The following DNAH7 variants were observed in gnomAD, a reference collection of about 807,000 sequenced individuals.
The protein encoded by DNAH7 is dynein axonemal heavy chain 7.
In DNAH7, 397 loss-of-function variants were observed where a neutral mutation model predicts 444.6. The ratio of observed to expected loss-of-function variants is 0.89; its 90% confidence interval spans 0.82 to 0.97. DNAH7 has a LOEUF of 0.97. Ranked by LOEUF, DNAH7 falls within the 50% of genes least tolerant of loss-of-function variation. DNAH7 has a pLI of 0.00. For missense variants in DNAH7, 4,902 were observed against 4,800.8 expected (o/e 1.02, Z -0.62); for synonymous variants, 1,636 against 1,624.4 (o/e 1.01, Z -0.17).
intron 5 of DNAH7, among the ~76,000 whole-genome samples, chr2:196,041,251 TAAC>T (rs749235955): frequency 5.1e-4 from 78 of 151,566 alleles, no homozygotes; most frequent in Middle Eastern, 6.8e-3. Context: ...CCCTAATCCT[TAAC>T]AACAACAACA....
chr2:195,815,574 A>C (rs925966567), intron 51 of DNAH7, among the ~76,000 whole-genome samples: 3 of 152,218 alleles, frequency 2.0e-5, no homozygotes, highest in African/African-American at 7.2e-5. Context: ...AATTAAATTG[A>C]GTTTCCCTTG....
intron 47 of DNAH7, among the ~76,000 whole-genome samples, chr2:195,841,216 CTCTCTT>C (rs1028905546): frequency 9.9e-5 from 15 of 151,406 alleles, no homozygotes; most frequent in South Asian, 2.1e-4. Flanking sequence ...TATATTTTCT[CTCTCTT>C]TCTCTTTCTC....
chr2:195,831,001 T>C (rs1425491789), intron 48 of DNAH7, among the ~76,000 whole-genome samples: 1 of 152,162 alleles, frequency 6.6e-6, no homozygotes, highest in Non-Finnish European at 1.5e-5. Flanking sequence ...GAAGTAGTTT[T>C]GTATCCCTGG....
chr2:195,737,729 T>TTTAG lies in DNAH7; in HGVS notation c.*191_*192insCTAA. 1 of 557,108 alleles carries TTTAG rather than the reference T, an allele frequency of 1.8e-6. No homozygotes were observed. 34.5% of individuals were successfully genotyped at this position (557,108 alleles called of 1,614,324 possible). A position where few individuals can be genotyped will look rare whatever the true frequency, so the allele number is the denominator to read the frequency against. On this transcript the variant is annotated 3_prime_UTR_variant, in exon 65 of 65. Coordinates refer to ENST00000312428, the MANE Select transcript of DNAH7 (RefSeq NM_018897.3). ...GCCAGTGTGTTTTCTTTAGTCTTTA[T>TTTAG]TTCAGAACATTTCCTTACATTTAAG...
At chr2:196,068,474 G>C (rs1450132926) in intron 1 of DNAH7, 7 of 605,312 alleles carry the variant, frequency 1.2e-5, no homozygotes, top group Middle Eastern at 3.6e-4. Flanking sequence ...TAGGCGGCTA[G>C]GTTTGGTTGT....
intron 24 of DNAH7, among the ~76,000 whole-genome samples, chr2:195,915,169 T>C (rs1042099722): frequency 6.6e-6 from 1 of 152,156 alleles, no homozygotes; most frequent in Admixed American, 6.5e-5. Flanking sequence ...ATATTTTCAA[T>C]CCATTATGAT....
At chr2:195,815,974 A>G (rs1697198510) in intron 51 of DNAH7, among the ~76,000 whole-genome samples, 1 of 152,256 alleles carries the variant, frequency 6.6e-6, no homozygotes, top group Non-Finnish European at 1.5e-5. Context: ...CCTGGGCGAC[A>G]GAGTGAGCCT....
rs567506768 is a variant in DNAH7, at chr2:195,986,956, C to A, written c.1754+110G>T. On this transcript the variant is annotated intron_variant, in intron 14 of 64. Coordinates refer to ENST00000312428, the MANE Select transcript of DNAH7 (RefSeq NM_018897.3). ...AGAAATAAGTTTAGCATAATCATTT[C>A]TTTGGAATCATTTATGGCATTGCTT... is the stretch of plus-strand genomic sequence containing the variant. 1.2e-4 allele frequency: 117 copies of A among 1,001,870 alleles called. No individual in the cohort carries two copies. In the African/African-American group the frequency reaches 1.7e-3, roughly 15 times the overall value. The allele number at this position is 1,001,870 out of a possible 1,614,324, so 62.1% of individuals were successfully genotyped here. A position where few individuals can be genotyped will look rare whatever the true frequency, so the allele number is the denominator to read the frequency against.
At chr2:195,918,302 T>C (rs1437124794) in intron 24 of DNAH7, among the ~76,000 whole-genome samples, 1 of 152,226 alleles carries the variant, frequency 6.6e-6, no homozygotes, top group African/African-American at 2.4e-5. Flanking sequence ...GGAACTCTCA[T>C]TCACTGCTGA....
intron 19 of DNAH7, among the ~76,000 whole-genome samples, chr2:195,946,724 T>TCC (rs770755989): frequency 4.6e-5 from 7 of 152,012 alleles, no homozygotes; most frequent in Non-Finnish European, 7.4e-5. Context: ...TCCCCATCCC[T>TCC]CCCTTCCTCC....
At chr2:196,040,348 A>G (rs1324939162) in intron 5 of DNAH7, among the ~76,000 whole-genome samples, 2 of 152,140 alleles carry the variant, frequency 1.3e-5, no homozygotes, top group African/African-American at 4.8e-5. Context: ...AAATCCAATA[A>G]TACATCAAAA....
At chr2:195,748,514 G>T (rs1693571322) in intron 63 of DNAH7, among the ~76,000 whole-genome samples, 1 of 152,122 alleles carries the variant, frequency 6.6e-6, no homozygotes, top group African/African-American at 2.4e-5. Flanking sequence ...CCAAAAAAGA[G>T]CCCACATCGC....
At chr2:195,978,941 T>C (rs185281781) in intron 15 of DNAH7, among the ~76,000 whole-genome samples, 25 of 152,158 alleles carry the variant, frequency 1.6e-4, no homozygotes, top group Admixed American at 1.6e-3. Flanking sequence ...TTATTAGAGC[T>C]AAAGAGAGAG....
At position 195,882,002 on chromosome 2, in the gene DNAH7, AT is replaced by A. The variant is rs1268143891; in HGVS notation, c.5764-11del. The A allele has an allele frequency of 1.0e-5, 16 of 1,607,670 alleles. No homozygotes were observed. Among genetic ancestry groups the A allele is most frequent in the African/African-American group, 1.3e-5 (1 of 74,632 alleles). On this transcript the variant is annotated splice_polypyrimidine_tract_variant and intron_variant, in intron 35 of 64. Transcript: ENST00000312428. ...CCCATTTTCCTATTCCCTGTTTATA[AT>A]TAACAACCAAGTAATGAATGCTATA...
chr2:195,800,362 C>A (rs1188582077), intron 54 of DNAH7, among the ~76,000 whole-genome samples: 1 of 152,078 alleles, frequency 6.6e-6, no homozygotes, highest in Non-Finnish European at 1.5e-5. Context: ...CCAATCACGG[C>A]AAGTGGATGT....
At chr2:195,924,336 A>G (rs933306713) in intron 22 of DNAH7, among the ~76,000 whole-genome samples, 11 of 152,200 alleles carry the variant, frequency 7.2e-5, no homozygotes, top group Non-Finnish European at 1.0e-4. Context: ...GGAGGCCTAT[A>G]ATCCCAGCAC....
chr2:195,884,509 G>T, intron 35 of DNAH7, 76 bp downstream of exon 35: 1 of 1,054,858 alleles, frequency 9.5e-7, no homozygotes, highest in Non-Finnish European at 1.5e-6. Context: ...GGTGGCCACA[G>T]GGCCATTATA....
chr2:196,047,615 G>T, intron 4 of DNAH7, 116 bp from the exon 5 acceptor site: 4 of 839,128 alleles, frequency 4.8e-6, no homozygotes, highest in Non-Finnish European at 4.9e-6. Flanking sequence ...ACATTATCAA[G>T]TAATCCTAAG....
At chr2:195,986,658 G>T (rs1160776689) in intron 14 of DNAH7, among the ~76,000 whole-genome samples, 2 of 152,098 alleles carry the variant, frequency 1.3e-5, no homozygotes, top group African/African-American at 4.8e-5. Flanking sequence ...AAGTTACCAT[G>T]GCCCTCAAGA....
Sources: gnomAD v4.1 joint callset for allele counts (sites outside exome capture counted in the v4.1 genomes callset) on GRCh38, gnomAD v4.1.1 for gene constraint, MANE v1.5 for transcripts, NCBI Gene and HGNC (gene_info 2026-07-23, HGNC 2026-07-21) for gene names.